ITPRID2: variants seen among roughly 807,000 people sequenced by gnomAD.
ITPRID2 encodes protein ITPRID2.
In ITPRID2, 60 loss-of-function variants were observed where a neutral mutation model predicts 124.3. The ratio of observed to expected loss-of-function variants is 0.48; its 90% CI spans 0.39 to 0.60. The LOEUF is 0.60. Ranked by LOEUF, ITPRID2 falls within the 20% of genes least tolerant of loss-of-function variation. The probability of loss-of-function intolerance (pLI) is 0.00; values close to 1 mark genes in which losing one functional copy is unlikely to be tolerated. For missense variants in ITPRID2, 1,553 were observed against 1,512.2 expected (o/e 1.03, Z -0.45); for synonymous variants, 521 against 542.9 (o/e 0.96, Z 0.56).
At chr2:181,911,109 T>C (rs1693569759) in intron 9 of ITPRID2, among the ~76,000 whole-genome samples, 1 of 152,130 alleles carries the variant, frequency 6.6e-6, no homozygotes, top group Non-Finnish European at 1.5e-5. Context: ...CATATCTGGG[T>C]TTTTTCCTTT....
intron 9 of ITPRID2, among the ~76,000 whole-genome samples, chr2:181,913,025 G>A: frequency 6.6e-6 from 1 of 152,034 alleles, no homozygotes; most frequent in East Asian, 1.9e-4. Flanking sequence ...AAGTATGCTT[G>A]CATTTCAGAT....
chr2:181,927,303 A>T (rs1169869291), intron 16 of ITPRID2, among the ~76,000 whole-genome samples: 3 of 152,210 alleles, frequency 2.0e-5, no homozygotes, highest in Non-Finnish European at 4.4e-5. Context: ...TTATTTGGGA[A>T]CACATTATCA....
At chr2:181,908,927 A>G (rs1252321649) in intron 8 of ITPRID2, among the ~76,000 whole-genome samples, 4 of 151,948 alleles carry the variant, frequency 2.6e-5, no homozygotes, top group Non-Finnish European at 5.9e-5. Context: ...GTTCTTTATG[A>G]TTTAAGAACC....
chr2:181,913,673 C>T (rs1468237521), intron 9 of ITPRID2, among the ~76,000 whole-genome samples, 172 bp from the exon 10 acceptor site: 1 of 152,120 alleles, frequency 6.6e-6, no homozygotes, highest in Non-Finnish European at 1.5e-5. Context: ...ACTTTGAAGA[C>T]ATAATTTTGC....
chr2:181,898,109 G>T (rs1218148431), intron 4 of ITPRID2, among the ~76,000 whole-genome samples: 2 of 151,996 alleles, frequency 1.3e-5, no homozygotes, highest in Non-Finnish European at 2.9e-5. Flanking sequence ...TTATTTCAAG[G>T]CTATTTCCAT....
chr2:181,923,018 T>G (rs1264696641), intron 16 of ITPRID2, among the ~76,000 whole-genome samples: 1 of 152,218 alleles, frequency 6.6e-6, no homozygotes, highest in African/African-American at 2.4e-5. Context: ...GTTTGGTGTT[T>G]TTTATTCAAA....
Position 181,896,844 on chromosome 2 carries a change from G to A in ITPRID2, c.308-64G>A. 3 of 1,294,696 alleles carry A rather than the reference G, an allele frequency of 2.3e-6. No homozygotes were observed. Among genetic ancestry groups the A allele is most frequent in the Non-Finnish European group, 3.3e-6 (3 of 897,270 alleles). The allele number at this position is 1,294,696 out of a possible 1,614,324, so 80.2% of individuals were successfully genotyped here. On this transcript the variant is annotated intron_variant, in intron 3 of 17. Transcript: ENST00000431877. The surrounding 1 kb of genome is among the most constrained non-coding windows in gnomAD (Gnocchi z 4.3). ...TTGCTGGGTGAATTTAACTAAAACA[G>A]TGATTTTATATGAGGGTGGAGAGGA...
At chr2:181,920,822 G>A (rs1694427585) in intron 15 of ITPRID2, among the ~76,000 whole-genome samples, 160 bp downstream of exon 15, 1 of 152,110 alleles carries the variant, frequency 6.6e-6, no homozygotes, top group South Asian at 2.1e-4. Context: ...GTCCATTGCT[G>A]TCTGAAGCCA....
intron 4 of ITPRID2, among the ~76,000 whole-genome samples, chr2:181,897,336 G>A (rs1275838548): frequency 8.6e-5 from 13 of 151,960 alleles, no homozygotes; most frequent in Non-Finnish European, 1.2e-4. Flanking sequence ...ATAGACTTAT[G>A]TCATACTTAC....
At position 181,929,487 on chromosome 2, in the gene ITPRID2, A is replaced by G. The variant is rs1695122960; in HGVS notation, c.*14-74A>G. 9.2e-6 allele frequency: 9 copies of G among 981,780 alleles called. No homozygotes were observed. In the South Asian group the frequency reaches 1.3e-4, roughly 14 times the overall value. The allele number at this position is 981,780 out of a possible 1,614,324, so 60.8% of individuals were successfully genotyped here. A position where few individuals can be genotyped will look rare whatever the true frequency, so the allele number is the denominator to read the frequency against. Reference sequence around the variant, plus strand: ...GTATATATATTTGCATAAAATTCTCATCTTCCTTTAAAGAAGCTTTTAATA... The same window carrying G: ...GTATATATATTTGCATAAAATTCTCGTCTTCCTTTAAAGAAGCTTTTAATA... On this transcript the variant is annotated intron_variant, in intron 17 of 17. Transcript: ENST00000431877.
At chr2:181,897,749 G>A (rs1261508317) in intron 4 of ITPRID2, among the ~76,000 whole-genome samples, 2 of 151,866 alleles carry the variant, frequency 1.3e-5, no homozygotes, top group Non-Finnish European at 2.9e-5. Flanking sequence ...ACAAGTTGGT[G>A]AATAGTGAAT....
Position 181,896,624 on chromosome 2 carries a change from GTA to G in ITPRID2, c.308-282_308-281del, listed in dbSNP as rs1241765481. On this transcript the variant is annotated intron_variant, in intron 3 of 17. Transcript: ENST00000431877. This position sits in a 1 kb window ranked among gnomAD's most constrained non-coding sequence, Gnocchi z 4.3. ...GATCTGGTTTTCCATGAAACTCTTG[GTA>G]TGTAGTCTGATTGAACATCTTCAAA... Among the ~76,000 whole-genome samples, 1 of 151,958 alleles carries G rather than the reference GTA, an allele frequency of 6.6e-6. No individual in the cohort carries two copies. Among genetic ancestry groups the G allele is most frequent in the Non-Finnish European group, 1.5e-5 (1 of 67,862 alleles).
chr2:181,928,053 G>C, intron 16 of ITPRID2, 108 bp from the exon 17 acceptor site: 1 of 695,700 alleles, frequency 1.4e-6, no homozygotes, highest in Non-Finnish European at 2.4e-6. Flanking sequence ...AGATTCACAT[G>C]AAGGTGAAAT....
rs1691819653 is a variant in ITPRID2, at chr2:181,892,517, T to G, written c.212-98T>G. On this transcript the variant is annotated intron_variant, in intron 1 of 17. Coordinates refer to ENST00000431877, the MANE Select transcript of ITPRID2 (RefSeq NM_001130445.3). The surrounding 1 kb of genome is among the most constrained non-coding windows in gnomAD (Gnocchi z 5.2). ...CTGAGACGTGTCGCTTAGGCTGCAT[T>G]TGCCGTGGTAGATTTTCCTACTTGG... 6.8e-7 allele frequency: 1 copy of G among 1,469,790 alleles called. No individual in the cohort carries two copies. The highest frequency in any genetic ancestry group is 9.5e-7 in the Non-Finnish European group (1 of 1,050,514). The allele number at this position is 1,469,790 out of a possible 1,614,324, so 91.0% of individuals were successfully genotyped here. A position where few individuals can be genotyped will look rare whatever the true frequency, so the allele number is the denominator to read the frequency against.
Position 181,898,786 on chromosome 2 carries a change from A to AGGT in ITPRID2, c.365-94_365-93insGGT, listed in dbSNP as rs1692420846. On this transcript the variant is annotated intron_variant, in intron 4 of 17. Transcript: ENST00000431877. ...TTTAATATATTTGGCATTTAATTCT[A>AGGT]ATATTGTAGGTAATTAGATTTCTTG... is the stretch of plus-strand genomic sequence containing the variant. 1.0e-5 allele frequency: 9 copies of AGGT among 901,438 alleles called. No homozygotes were observed. The East Asian group carries it at 2.2e-4, about 22-fold the overall frequency. 55.8% of individuals were successfully genotyped at this position (901,438 alleles called of 1,614,324 possible). A position where few individuals can be genotyped will look rare whatever the true frequency, so the allele number is the denominator to read the frequency against.
chr2:181,918,569 G>C lies in ITPRID2; in HGVS notation c.2788-29G>C, dbSNP rs1370809644. The C allele has an allele frequency of 1.9e-6, 3 of 1,611,980 alleles. No homozygotes were observed. The South Asian group carries it at 3.3e-5, about 18-fold the overall frequency. On this transcript the variant is annotated intron_variant, in intron 11 of 17. Coordinates refer to ENST00000431877, the MANE Select transcript of ITPRID2 (RefSeq NM_001130445.3). Reference sequence around the variant, plus strand: ...TTTGGAAGTATTCACTTTAACATTGGTTTTAATCCTACTTTTACTTTTTTG... The same window carrying C: ...TTTGGAAGTATTCACTTTAACATTGCTTTTAATCCTACTTTTACTTTTTTG...
At chr2:181,898,165 T>C (rs1389688941) in intron 4 of ITPRID2, among the ~76,000 whole-genome samples, 1 of 152,046 alleles carries the variant, frequency 6.6e-6, no homozygotes, top group Non-Finnish European at 1.5e-5. Context: ...GGCACCTTTC[T>C]GGTGGATGTA....
rs779768529 is a variant in ITPRID2 at position 181,898,877 on chromosome 2, T to C, written c.365-3T>C. ...GCTCTACGTTTATTGTTTTTACCTG[T>C]AGCCAACCACCTCCATGAAAGTGAT... On this transcript the variant is annotated splice_polypyrimidine_tract_variant and splice_region_variant and intron_variant, in intron 4 of 17. Coordinates refer to ENST00000431877, the MANE Select transcript of ITPRID2 (RefSeq NM_001130445.3). The C allele has an allele frequency of 4.3e-5, 69 of 1,608,060 alleles. No homozygotes were observed. Among genetic ancestry groups the C allele is most frequent in the Non-Finnish European group, 5.4e-5 (64 of 1,174,860 alleles).
At chr2:181,928,420 A>G (rs1695024107) in intron 17 of ITPRID2, 142 bp downstream of exon 17, 1 of 501,360 alleles carries the variant, frequency 2.0e-6, no homozygotes, top group Admixed American at 3.8e-5. Context: ...TTACAATGTG[A>G]AAATTTCACA....
Sources: allele counts gnomAD v4.1 joint callset (sites outside exome capture counted in the v4.1 genomes callset), GRCh38; gene constraint gnomAD v4.1.1; non-coding constraint Gnocchi (gnomAD v3.1); transcripts MANE v1.5; gene names NCBI Gene and HGNC (gene_info 2026-07-23, HGNC 2026-07-21).